Variants in ST18 observed in about 807,000 individuals in gnomAD.
ST18 encodes ST18 C2H2C-type zinc finger transcription factor.
ST18 carries 50 observed loss-of-function variants against 110.0 expected under a neutral mutation model. The ratio of observed to expected loss-of-function variants is 0.45; its 90% CI spans 0.36 to 0.58. The LOEUF (loss-of-function observed/expected upper bound fraction) is 0.58, where lower values mean the gene tolerates loss of function less well. Ranked by LOEUF, ST18 falls within the 20% of genes least tolerant of loss-of-function variation. The pLI is 0.00. For missense variants in ST18, 1,306 were observed against 1,280.1 expected, an observed-to-expected ratio of 1.02 and a Z score of -0.31; for synonymous variants, 461 against 452.4, an observed-to-expected ratio of 1.02 and a Z score of -0.24.
chr8:52,363,791 A>G (rs1433791177), intron 2 of ST18, among the ~76,000 whole-genome samples: 1 of 151,936 alleles, frequency 6.6e-6, no homozygotes, highest in Admixed American at 6.6e-5. Flanking sequence ...TGTGGTGGAT[A>G]TTATGTGTGT....
intron 2 of ST18, among the ~76,000 whole-genome samples, chr8:52,287,512 T>A (rs1054196320): frequency 3.3e-5 from 5 of 152,138 alleles, no homozygotes; most frequent in African/African-American, 1.2e-4. Context: ...TGAAGGGGTT[T>A]TCAGACACAG....
intron 8 of ST18, among the ~76,000 whole-genome samples, chr8:52,203,778 A>G (rs1229543195): frequency 1.3e-5 from 2 of 152,180 alleles, no homozygotes; most frequent in East Asian, 1.9e-4. Flanking sequence ...AGAGTGCATC[A>G]GGGTGAGAAG....
chr8:52,173,532 A>G (rs2065762860), intron 9 of ST18, among the ~76,000 whole-genome samples: 1 of 152,130 alleles, frequency 6.6e-6, no homozygotes, highest in Non-Finnish European at 1.5e-5. Flanking sequence ...GGGGTGACAG[A>G]GTGTATAGAC....
At chr8:52,239,671 C>T (rs1171600316) in intron 2 of ST18, among the ~76,000 whole-genome samples, 2 of 152,152 alleles carry the variant, frequency 1.3e-5, no homozygotes, top group Non-Finnish European at 2.9e-5. Context: ...TTGCTATGAT[C>T]CAAACGCATG....
chr8:52,188,140 G>A (rs1329423260), intron 8 of ST18, among the ~76,000 whole-genome samples: 1 of 152,060 alleles, frequency 6.6e-6, no homozygotes, highest in African/African-American at 2.4e-5. Flanking sequence ...GTTTTATTAT[G>A]GAGAAAAGAG....
intron 8 of ST18, among the ~76,000 whole-genome samples, chr8:52,197,562 T>A (rs2076554546): frequency 6.6e-6 from 1 of 152,090 alleles, no homozygotes; most frequent in African/African-American, 2.4e-5. Context: ...CCAGGAAACA[T>A]AAAGGTCTAA....
At chr8:52,212,897 G>A (rs908031046) in intron 7 of ST18, among the ~76,000 whole-genome samples, 3 of 152,202 alleles carry the variant, frequency 2.0e-5, no homozygotes, top group African/African-American at 4.8e-5. Flanking sequence ...TGACAGAGTA[G>A]TGTGCTTTTA....
At chr8:52,322,468 G>A (rs1350228794) in intron 2 of ST18, among the ~76,000 whole-genome samples, 3 of 152,156 alleles carry the variant, frequency 2.0e-5, no homozygotes, top group African/African-American at 7.2e-5. Flanking sequence ...TGACCGACTT[G>A]TTTACATCAG....
chr8:52,242,927 T>C (rs781528695), intron 2 of ST18, among the ~76,000 whole-genome samples: 3 of 152,118 alleles, frequency 2.0e-5, no homozygotes, highest in African/African-American at 4.8e-5. Flanking sequence ...AGTGCTTTTA[T>C]TATTCTTATT....
intron 3 of ST18, among the ~76,000 whole-genome samples, chr8:52,226,229 T>G (rs995051359): frequency 6.6e-6 from 1 of 152,196 alleles, no homozygotes; most frequent in African/African-American, 2.4e-5. Flanking sequence ...CAACAAAGCG[T>G]TGACCATGAA....
intron 2 of ST18, among the ~76,000 whole-genome samples, chr8:52,347,273 G>A (rs1818197719): frequency 6.6e-6 from 1 of 152,178 alleles, no homozygotes; most frequent in South Asian, 2.1e-4. Flanking sequence ...GTAAAAGCAG[G>A]AAAAGCTTGG....
At chr8:52,384,916 G>A (rs992081778) in intron 2 of ST18, among the ~76,000 whole-genome samples, 11 of 152,056 alleles carry the variant, frequency 7.2e-5, no homozygotes, top group South Asian at 2.1e-4. Flanking sequence ...TACCTACACC[G>A]GGTACTGTTG....
At chr8:52,335,817 A>C (rs1232306096) in intron 2 of ST18, among the ~76,000 whole-genome samples, 1 of 151,974 alleles carries the variant, frequency 6.6e-6, no homozygotes, top group Non-Finnish European at 1.5e-5. Flanking sequence ...CCCTCCTTTA[A>C]TTCATTCTCC....
intron 2 of ST18, chr8:52,409,023 G>A (rs1590808964): frequency 6.6e-6 from 1 of 152,248 alleles, no homozygotes; most frequent in Admixed American, 6.5e-5. Flanking sequence ...AACATTTGCA[G>A]TATTAAATAC....
chr8:52,189,599 C>G (rs1049022583), intron 8 of ST18, among the ~76,000 whole-genome samples: 3 of 152,194 alleles, frequency 2.0e-5, no homozygotes, highest in African/African-American at 7.2e-5. Context: ...CAAGGAAGTT[C>G]CCAATGGTGA....
At chr8:52,236,523 A>G (rs2092698874) in intron 2 of ST18, among the ~76,000 whole-genome samples, 1 of 151,592 alleles carries the variant, frequency 6.6e-6, no homozygotes, top group Admixed American at 6.6e-5. Flanking sequence ...AGGCAGGAGA[A>G]TCCCTTGAAC....
At chr8:52,366,779 T>G (rs1186256855) in intron 2 of ST18, among the ~76,000 whole-genome samples, 1 of 152,220 alleles carries the variant, frequency 6.6e-6, no homozygotes, top group African/African-American at 2.4e-5. Context: ...ACTTATTTGT[T>G]AATTAGTTTA....
chr8:52,235,317 G>T (rs991465861), intron 2 of ST18, among the ~76,000 whole-genome samples: 4 of 152,104 alleles, frequency 2.6e-5, no homozygotes, highest in Admixed American at 1.3e-4. Context: ...AACCACGCCT[G>T]CTCCTATGGT....
At chr8:52,361,082 A>C (rs1227325849) in intron 2 of ST18, among the ~76,000 whole-genome samples, 1 of 152,182 alleles carries the variant, frequency 6.6e-6, no homozygotes, top group South Asian at 2.1e-4. Flanking sequence ...TAAGCTTGTG[A>C]TGTATTTTAT....
Sources: allele counts gnomAD v4.1 joint callset (sites outside exome capture counted in the v4.1 genomes callset), GRCh38; gene constraint gnomAD v4.1.1; transcripts MANE v1.5; gene names NCBI Gene and HGNC (gene_info 2026-07-23, HGNC 2026-07-21).